The following DNAH2 variants were observed in gnomAD, a reference collection of about 807,000 sequenced individuals.
DNAH2 encodes dynein axonemal heavy chain 2, also known as axonemal beta dynein heavy chain 2.
A neutral mutation model predicts 523.5 loss-of-function variants in DNAH2; 323 were observed. That is an observed-to-expected ratio of 0.62 (90% CI 0.56 to 0.68). The LOEUF is 0.68. DNAH2 is among the 30% of genes least tolerant of loss of function. DNAH2 has a pLI of 0.00. For missense variants in DNAH2, 4,907 were observed against 5,701.5 expected (o/e 0.86, Z 4.49); for synonymous variants, 2,093 against 2,177.4 (o/e 0.96, Z 1.08).
chr17:7,775,153 C>T (rs528679763), intron 29 of DNAH2, 88 bp from the exon 30 acceptor site: 189 of 1,359,614 alleles, frequency 1.4e-4, no homozygotes, highest in Non-Finnish European at 1.8e-4. Context: ...GGGAGAGGAG[C>T]AGTAATTATC....
In DNAH2 at chr17:7,764,205, A is replaced by T. The variant is rs755923645; in HGVS notation, c.3268A>T (p.Thr1090Ser). Reference protein sequence around the residue: ...ALKHDLANVETQIPPIHEQFA... With the variant: ...ALKHDLANVESQIPPIHEQFA... ...GAAGCACGACTTGGCCAACGTGGAG[A>T]CTCAGATCCCTCCCATACACGAGCA... The change falls in exon 20 of 86, where the codon ACT becomes TCT. Residue 1090 changes from threonine to serine, a missense_variant. Physicochemically the swap from Thr to Ser is moderately conservative, Grantham distance 58. Coordinates refer to ENST00000572933, the MANE Select transcript of DNAH2 (RefSeq NM_020877.5). The T allele has an allele frequency of 1.2e-5, 20 of 1,613,846 alleles. No individual in the cohort carries two copies. The highest frequency in any genetic ancestry group is 8.5e-6 in the Non-Finnish European group (10 of 1,179,992).
chr17:7,744,706 G>A (rs1185589736), intron 12 of DNAH2, among the ~76,000 whole-genome samples: 1 of 152,168 alleles, frequency 6.6e-6, no homozygotes, highest in Non-Finnish European at 1.5e-5. Flanking sequence ...GCACAGCCAC[G>A]TAAACATTGC....
intron 73 of DNAH2, among the ~76,000 whole-genome samples, chr17:7,822,803 A>G (rs940203198): frequency 6.6e-6 from 1 of 152,196 alleles, no homozygotes; most frequent in Non-Finnish European, 1.5e-5. Flanking sequence ...AAGTGAGTGA[A>G]TGAATGAGTA....
chr17:7,822,071 A>G (rs2151332406), intron 73 of DNAH2, among the ~76,000 whole-genome samples: 1 of 152,286 alleles, frequency 6.6e-6, no homozygotes, highest in Admixed American at 6.5e-5. Context: ...CCCAGGCTCA[A>G]GCCATCCTCG....
rs2075948524 is a variant in DNAH2 at position 7,759,610 on chromosome 17, G to T, written c.2637G>T (p.Gln879His). ...LKNDLQGSVA[Q>H]VEFSPTLQTL... ...ATGATCTGCAAGGAAGTGTGGCACA[G>T]GTAAGAACCACTTTGCCCCCAACAT... The change falls in exon 16 of 86, where the codon CAG (glutamine) becomes CAT (histidine). Residue 879 changes from glutamine (Q) to histidine (H), a missense_variant and splice_region_variant. By Grantham distance (24) the Gln-to-His change is conservative. Coordinates refer to ENST00000572933, the MANE Select transcript of DNAH2 (RefSeq NM_020877.5). 1 of 1,612,634 alleles carries T rather than the reference G, an allele frequency of 6.2e-7. No homozygotes were observed. Among genetic ancestry groups the T allele is most frequent in the Non-Finnish European group, 8.5e-7 (1 of 1,179,148 alleles).
At position 7,807,199 on chromosome 17, in the gene DNAH2, C is replaced by A. The variant is rs1597725566; in HGVS notation, c.9492C>A (p.Ile3164=). Residue 3164 remains isoleucine (I), a synonymous_variant, in exon 62 of 86, where the codon ATC becomes ATA. Transcript: ENST00000572933. The surrounding 1 kb of genome is among the most constrained non-coding windows in gnomAD (Gnocchi z 5.6). ...TGATCAACTTTGATAAAGACAATAT[C>A]TCAGATAAGGTTCTGAAGAAGATTG... is the stretch of plus-strand genomic sequence containing the variant. ...KSLINFDKDN[I]SDKVLKKIGA... is the part of the protein sequence containing the mutation. The A allele has an allele frequency of 6.2e-7, 1 of 1,612,422 alleles. No individual in the cohort carries two copies. The highest frequency in any genetic ancestry group is 1.1e-5 in the South Asian group (1 of 91,096).
At chr17:7,822,132 G>A (rs1342991804) in intron 73 of DNAH2, among the ~76,000 whole-genome samples, 2 of 152,130 alleles carry the variant, frequency 1.3e-5, no homozygotes, top group South Asian at 2.1e-4. Context: ...CACCACGCCC[G>A]GCTAATTTTT....
chr17:7,776,651 C>A (rs2076460968), intron 31 of DNAH2, 128 bp from the exon 32 acceptor site: 6 of 664,788 alleles, frequency 9.0e-6, no homozygotes, highest in Non-Finnish European at 1.6e-5. Flanking sequence ...GCCCATGTCC[C>A]ATCCTTCAGA....
In DNAH2 at chr17:7,719,750, GAGA is replaced by G. The variant is rs763783888; in HGVS notation, c.22_24del (p.Lys8del). On this transcript the variant is annotated inframe_deletion, in exon 2 of 86. Transcript: ENST00000572933. ...TGCCTGCACGATGTCCAGCAAAGCT[GAGA>G]AGAAGCAGCGATTGAGTGGCCGAGG... is the stretch of plus-strand genomic sequence containing the variant. 6 of 1,614,106 alleles carry G rather than the reference GAGA, an allele frequency of 3.7e-6. No homozygotes were observed. The highest frequency in any genetic ancestry group is 5.1e-6 in the Non-Finnish European group (6 of 1,180,062).
In DNAH2 at chr17:7,759,871, C is replaced by T. The variant is rs1326348584; in HGVS notation, c.2718C>T (p.Val906=). The change falls in exon 17 of 86, where the codon GTC becomes GTT. Residue 906 remains valine, a synonymous_variant. Transcript: ENST00000572933. ...ACCACCTCTTTTCCACCATCTCTGT[C>T]TTCTGCCACCTCCCTGACATTCTCA... ...IGNHLFSTIS[V]FCHLPDILTK... The T allele has an allele frequency of 2.5e-6, 4 of 1,614,236 alleles. No homozygotes were observed.
intron 67 of DNAH2, 43 bp from the exon 68 acceptor site, chr17:7,817,903 A>G (rs202031802): frequency 1.2e-6 from 2 of 1,612,864 alleles, no homozygotes. Flanking sequence ...CTGAGGCCCC[A>G]CCTCTCCCGT....
chr17:7,772,356 A>G (rs1013508965), intron 28 of DNAH2, among the ~76,000 whole-genome samples: 4 of 152,258 alleles, frequency 2.6e-5, no homozygotes, highest in Non-Finnish European at 5.9e-5. Context: ...ATGGTATGCA[A>G]AGTTGAATGA....
chr17:7,769,176 G>C (rs888307489), intron 24 of DNAH2, among the ~76,000 whole-genome samples: 1 of 151,522 alleles, frequency 6.6e-6, no homozygotes, highest in Non-Finnish European at 1.5e-5. Flanking sequence ...CTTTTTTTGT[G>C]GGGGAGACAA....
chr17:7,826,739 A>G (rs2078032459), intron 77 of DNAH2, among the ~76,000 whole-genome samples: 1 of 151,770 alleles, frequency 6.6e-6, no homozygotes, highest in African/African-American at 2.4e-5. Flanking sequence ...GAGTTTCACC[A>G]TGTTGGCCAG....
At chr17:7,793,433 TTTTCTTTCTTTCTTTTTCTTTC>T (rs1375092972) in intron 48 of DNAH2, among the ~76,000 whole-genome samples, 16 of 102,636 alleles carry the variant, frequency 1.6e-4, no homozygotes, top group African/African-American at 4.7e-4. Context: ...CCTGCTTGCT[TTTTCTTTCTTTCTTTTTCTTTC>T]TTTCTTTCTT....
chr17:7,726,596 C>T (rs2074819863), intron 3 of DNAH2, among the ~76,000 whole-genome samples: 1 of 152,188 alleles, frequency 6.6e-6, no homozygotes, highest in Non-Finnish European at 1.5e-5. Flanking sequence ...AGCCACCGCG[C>T]CCAGCCCTCT....
Position 7,832,077 on chromosome 17 carries a change from C to T in DNAH2, c.12726+302C>T, listed in dbSNP as rs139055361. ...CAATGCTACCTGGTTAATATTACTG[C>T]GGTCATTGTTATGAATGAATAGCTG... On this transcript the variant is annotated intron_variant, in intron 82 of 85. Transcript: ENST00000572933. The surrounding 1 kb of genome is among the most constrained non-coding windows in gnomAD (Gnocchi z 4.3). 2.3e-4 allele frequency among the ~76,000 whole-genome samples: 35 copies of T among 152,276 alleles called. No individual in the cohort carries two copies. Among genetic ancestry groups the T allele is most frequent in the Non-Finnish European group, 3.7e-4 (25 of 68,020 alleles).
intron 11 of DNAH2, 91 bp downstream of exon 11, chr17:7,741,083 C>G: frequency 6.8e-7 from 1 of 1,473,128 alleles, no homozygotes; most frequent in Non-Finnish European, 9.1e-7. Flanking sequence ...AAAGAGTCTT[C>G]AGGACCAGCA....
chr17:7,775,166 C>T (rs2076414809), intron 29 of DNAH2, 75 bp from the exon 30 acceptor site: 1 of 1,488,594 alleles, frequency 6.7e-7, no homozygotes, highest in Non-Finnish European at 9.2e-7. Flanking sequence ...TAATTATCCT[C>T]AAAAGGCCCC....
Sources: allele counts gnomAD v4.1 joint callset (sites outside exome capture counted in the v4.1 genomes callset), GRCh38; gene constraint gnomAD v4.1.1; non-coding constraint Gnocchi (gnomAD v3.1); transcripts MANE v1.5; gene names NCBI Gene and HGNC (gene_info 2026-07-23, HGNC 2026-07-21).